Variants in ASTN2 observed in about 807,000 individuals in gnomAD.
ASTN2 encodes astrotactin-2.
In ASTN2, 54 loss-of-function variants were observed where a neutral mutation model predicts 139.8. The observed-to-expected ratio is 0.39, with a 90% CI of 0.31 to 0.48. The LOEUF (loss-of-function observed/expected upper bound fraction) is 0.48, where lower values mean the gene tolerates loss of function less well. ASTN2 is among the 20% of genes least tolerant of loss of function. The pLI, the probability that ASTN2 is intolerant of heterozygous loss-of-function variation, is 0.95. For synonymous variants in ASTN2, 756 were observed against 719.5 expected, an observed-to-expected ratio of 1.05 and a Z score of -0.81; for missense variants, 1,565 against 1,725.1, an observed-to-expected ratio of 0.91 and a Z score of 1.64.
intron 17 of ASTN2, among the ~76,000 whole-genome samples, chr9:116,639,228 A>G (rs566974041): frequency 6.6e-6 from 1 of 152,350 alleles, no homozygotes; most frequent in African/African-American, 2.4e-5. Flanking sequence ...AAAGAAACAC[A>G]TGATCCAAGG....
intron 19 of ASTN2, among the ~76,000 whole-genome samples, chr9:116,496,022 T>C (rs1031655495): frequency 6.6e-6 from 1 of 152,170 alleles, no homozygotes. Context: ...TGTCGTTGTA[T>C]GGCTTACTCC....
chr9:117,290,548 C>T (rs898416875), intron 2 of ASTN2, among the ~76,000 whole-genome samples: 5 of 152,104 alleles, frequency 3.3e-5, no homozygotes, highest in Non-Finnish European at 4.4e-5. Context: ...GGAGGTGATT[C>T]GCTGGACCTC....
chr9:117,103,492 A>G (rs1230315199), intron 4 of ASTN2, among the ~76,000 whole-genome samples: 13 of 152,174 alleles, frequency 8.5e-5, no homozygotes, highest in Admixed American at 8.5e-4. Flanking sequence ...AGTATGGAGC[A>G]AGATGATACA....
chr9:117,105,904 C>T (rs1334097), intron 4 of ASTN2, among the ~76,000 whole-genome samples: 79,660 of 152,088 alleles, frequency 0.52, 21,693 homozygotes, highest in African/African-American at 0.7. Context: ...ATGGGCATTG[C>T]TATTCCCACT....
chr9:117,083,343 T>C (rs980136799), intron 5 of ASTN2, among the ~76,000 whole-genome samples: 4 of 152,214 alleles, frequency 2.6e-5, no homozygotes, highest in African/African-American at 9.7e-5. Context: ...TGACACTATT[T>C]AACCATCACA....
At chr9:116,500,968 A>G (rs1849833331) in intron 19 of ASTN2, among the ~76,000 whole-genome samples, 1 of 152,182 alleles carries the variant, frequency 6.6e-6, no homozygotes, top group Non-Finnish European at 1.5e-5. Flanking sequence ...ATCCTCCCAA[A>G]CCAGAACTGC....
At chr9:116,776,199 T>C (rs983415333) in intron 13 of ASTN2, among the ~76,000 whole-genome samples, 3 of 152,018 alleles carry the variant, frequency 2.0e-5, no homozygotes, top group African/African-American at 4.8e-5. Context: ...TTGTATTCTA[T>C]GTGATCTTTT....
intron 2 of ASTN2, among the ~76,000 whole-genome samples, chr9:117,286,667 T>G (rs975996555): frequency 5.9e-5 from 9 of 152,224 alleles, no homozygotes; most frequent in Admixed American, 5.9e-4. Flanking sequence ...TTCCTCTGAC[T>G]TTGCACCTGT....
intron 10 of ASTN2, among the ~76,000 whole-genome samples, chr9:116,919,684 ACCTGTAATCAG>A (rs1469815391): frequency 7.2e-6 from 1 of 139,674 alleles, no homozygotes; most frequent in Non-Finnish European, 1.5e-5. Flanking sequence ...AGTAGCTCAC[ACCTGTAATCAG>A]CCCTTTAGGA....
chr9:117,285,642 T>G (rs989012111), intron 2 of ASTN2, among the ~76,000 whole-genome samples: 9 of 152,182 alleles, frequency 5.9e-5, no homozygotes, highest in Non-Finnish European at 1.3e-4. Flanking sequence ...GTCATCTAAT[T>G]TAACTATTAT....
At chr9:117,160,222 A>T (rs904735267) in intron 3 of ASTN2, among the ~76,000 whole-genome samples, 14 of 152,044 alleles carry the variant, frequency 9.2e-5, no homozygotes, top group African/African-American at 3.4e-4. Flanking sequence ...TACCTATAAA[A>T]TGTTTCAAGT....
chr9:116,627,309 T>C (rs1187988740), intron 17 of ASTN2, among the ~76,000 whole-genome samples: 4 of 152,138 alleles, frequency 2.6e-5, no homozygotes, highest in African/African-American at 9.7e-5. Context: ...TCCCAGAAGC[T>C]AGAGGGCTCT....
In ASTN2 at chr9:116,499,609, G is replaced by C. The variant is rs371981379; in HGVS notation, c.3356-12109C>G. Among the ~76,000 whole-genome samples the C allele has an allele frequency of 2.0e-5, 3 of 152,190 alleles. No homozygotes were observed. In the East Asian group the frequency reaches 5.8e-4, roughly 29 times the overall value. On this transcript the variant is annotated intron_variant, in intron 19 of 22. Coordinates refer to ENST00000313400, the MANE Select transcript of ASTN2 (RefSeq NM_001365068.1). ...TGGGAGGATTATGGTAAGGTACCTG[G>C]CCTGTCTTAGTCACCACCTGAGCCC...
At chr9:116,814,796 T>A (rs1053192466) in intron 12 of ASTN2, among the ~76,000 whole-genome samples, 1 of 152,158 alleles carries the variant, frequency 6.6e-6, no homozygotes, top group Admixed American at 6.5e-5. Context: ...TTGTTGTTGT[T>A]TAATATTTGA....
intron 7 of ASTN2, among the ~76,000 whole-genome samples, chr9:116,997,158 AG>A (rs1486210626): frequency 6.6e-6 from 1 of 152,150 alleles, no homozygotes; most frequent in African/African-American, 2.4e-5. Flanking sequence ...GTTCCCAATA[AG>A]AAAAAGTTTT....
intron 13 of ASTN2, among the ~76,000 whole-genome samples, chr9:116,754,629 G>A (rs556204306): frequency 6.6e-6 from 1 of 152,308 alleles, no homozygotes; most frequent in East Asian, 1.9e-4. Context: ...AGTTGTGGGA[G>A]AGCCCACGTG....
intron 16 of ASTN2, among the ~76,000 whole-genome samples, chr9:116,715,984 C>T (rs1489602653): frequency 6.6e-6 from 1 of 152,164 alleles, no homozygotes; most frequent in Admixed American, 6.5e-5. Context: ...TGTATTCCCT[C>T]CAGGCCATTT....
intron 5 of ASTN2, among the ~76,000 whole-genome samples, chr9:117,081,365 G>C (rs1343491956): frequency 6.6e-6 from 1 of 151,878 alleles, no homozygotes; most frequent in Non-Finnish European, 1.5e-5. Flanking sequence ...CATACCCTCA[G>C]CCCCTTCACT....
At chr9:116,982,713 G>A (rs796109877) in intron 7 of ASTN2, among the ~76,000 whole-genome samples, 1 of 152,090 alleles carries the variant, frequency 6.6e-6, no homozygotes, top group Non-Finnish European at 1.5e-5. Context: ...CTATAGGCAC[G>A]TGCCATCATT....
Sources: gnomAD v4.1 joint callset for allele counts (sites outside exome capture counted in the v4.1 genomes callset) on GRCh38, gnomAD v4.1.1 for gene constraint, MANE v1.5 for transcripts, NCBI Gene and HGNC (gene_info 2026-07-23, HGNC 2026-07-21) for gene names.